DNAH2: variants seen among roughly 807,000 people sequenced by gnomAD.
DNAH2 encodes the protein axonemal beta dynein heavy chain 2.
Under a neutral mutation model 523.5 loss-of-function variants are expected in DNAH2, and 323 were observed. That is an observed-to-expected ratio of 0.62 (90% CI 0.56 to 0.68). The LOEUF (loss-of-function observed/expected upper bound fraction) is 0.68, where lower values mean the gene tolerates loss of function less well. Among genes scored for constraint, DNAH2 ranks in the 30% least tolerant of loss-of-function variants. The pLI is 0.00. For missense variants in DNAH2, 4,907 were observed against 5,701.5 expected, an observed-to-expected ratio of 0.86 and a Z score of 4.49; for synonymous variants, 2,093 against 2,177.4, an observed-to-expected ratio of 0.96 and a Z score of 1.08.
chr17:7,781,091 T>G lies in DNAH2; in HGVS notation c.6053T>G (p.Val2018Gly). The G allele has an allele frequency of 6.2e-7, 1 of 1,614,252 alleles. No homozygotes were observed. Among genetic ancestry groups the G allele is most frequent in the Non-Finnish European group, 8.5e-7 (1 of 1,180,044 alleles). The change falls in exon 39 of 86, where the codon GTT becomes GGT. Residue 2018 changes from valine (V) to glycine (G), a missense_variant. Coordinates refer to ENST00000572933, the MANE Select transcript of DNAH2 (RefSeq NM_020877.5). ...RDMNIAKLTSVDAPLFNAIVQ... is the reference protein window; with the variant it reads ...RDMNIAKLTSGDAPLFNAIVQ... The stretch of plus-strand genomic sequence containing the variant: ...ATGAACATCGCCAAGCTCACTTCAG[T>G]TGATGCACCCCTGTTCAATGCCATC...
chr17:7,796,579 A>G lies in DNAH2; in HGVS notation c.7790A>G (p.Asn2597Ser). The G allele has an allele frequency of 6.2e-7, 1 of 1,613,548 alleles. No individual in the cohort carries two copies. Among genetic ancestry groups the G allele is most frequent in the Non-Finnish European group, 8.5e-7 (1 of 1,179,960 alleles). ...VVTEATLDMY[N>S]TVVQRFLPTP... ...ACAGAGGCCACCCTGGACATGTACA[A>G]CACCGTGGTACAGCGCTTCCTGCCC... The change falls in exon 50 of 86, where the codon AAC (asparagine) becomes AGC (serine). Residue 2597 changes from asparagine to serine, a missense_variant. Asn to Ser is a conservative substitution (Grantham distance 46). This residue lies in a region of DNAH2 where 250 missense variants were observed against 371.3 expected (regional missense o/e 0.67). Transcript: ENST00000572933.
Position 7,807,667 on chromosome 17 carries a change from A to G in DNAH2, c.9729+81A>G. On this transcript the variant is annotated intron_variant, in intron 63 of 85. Coordinates refer to ENST00000572933, the MANE Select transcript of DNAH2 (RefSeq NM_020877.5). The surrounding 1 kb of genome is among the most constrained non-coding windows in gnomAD (Gnocchi z 5.6). ...CTTCATTAAGCATTTGTTTTCCCCC[A>G]TCTAATTCTAGCCCCCTTCCCCATG... 8.1e-7 allele frequency: 1 copy of G among 1,234,776 alleles called. No homozygotes were observed. Among genetic ancestry groups the G allele is most frequent in the Non-Finnish European group, 1.2e-6 (1 of 859,610 alleles). 76.5% of individuals were successfully genotyped at this position (1,234,776 alleles called of 1,614,324 possible). A position where few individuals can be genotyped will look rare whatever the true frequency, so the allele number is the denominator to read the frequency against.
At position 7,792,430 on chromosome 17, in the gene DNAH2, T is replaced by C; in HGVS notation, c.7145+87T>C. ...GAGAGATGGGGCCTAGAAGCAAAAA[T>C]GAGCAATAGGAAGGAGAAGGTGGGT... On this transcript the variant is annotated intron_variant, in intron 46 of 85. Coordinates refer to ENST00000572933, the MANE Select transcript of DNAH2 (RefSeq NM_020877.5). 17 of 1,377,810 alleles carry C rather than the reference T, an allele frequency of 1.2e-5. No homozygotes were observed. In the South Asian group the frequency reaches 2.0e-4, roughly 16 times the overall value. 85.3% of individuals were successfully genotyped at this position (1,377,810 alleles called of 1,614,324 possible).
At chr17:7,723,245 C>T (rs913974613) in intron 2 of DNAH2, among the ~76,000 whole-genome samples, 3 of 139,960 alleles carry the variant, frequency 2.1e-5, no homozygotes, top group African/African-American at 8.0e-5. Flanking sequence ...GCTGGGATTA[C>T]AGGTGTGAGC....
rs777854041 is a variant in DNAH2, at chr17:7,807,327, C to A, written c.9612+8C>A. The A allele has an allele frequency of 1.2e-6, 2 of 1,610,856 alleles. No individual in the cohort carries two copies. Among genetic ancestry groups the A allele is most frequent in the Non-Finnish European group, 8.5e-7 (1 of 1,178,916 alleles). On this transcript the variant is annotated splice_region_variant and intron_variant, in intron 62 of 85. Coordinates refer to ENST00000572933, the MANE Select transcript of DNAH2 (RefSeq NM_020877.5). This position sits in a 1 kb window ranked among gnomAD's most constrained non-coding sequence, Gnocchi z 5.6. Reference sequence around the variant, plus strand: ...TGGGTGCGGGCCATGGAGGTAAAGGCGTCAGGGCTGGGGCGGGGCGGTAGG... The same window carrying A: ...TGGGTGCGGGCCATGGAGGTAAAGGAGTCAGGGCTGGGGCGGGGCGGTAGG...
chr17:7,817,549 TTCTCTCCC>T lies in DNAH2; in HGVS notation c.10021-11_10021-4del. The T allele has an allele frequency of 6.2e-7, 1 of 1,613,948 alleles. No individual in the cohort carries two copies. The highest frequency in any genetic ancestry group is 8.5e-7 in the Non-Finnish European group (1 of 1,179,972). ...CTCTTCAAGTTAAAGCATGGGGCTT[TTCTCTCCC>T]CAGATCTGGGAGCTTCAGGTTCCTT... On this transcript the variant is annotated splice_polypyrimidine_tract_variant and splice_region_variant and intron_variant, in intron 65 of 85. Transcript: ENST00000572933.
At chr17:7,722,191 G>GC (rs976574723) in intron 2 of DNAH2, among the ~76,000 whole-genome samples, 1 of 99,666 alleles carries the variant, frequency 1.0e-5, no homozygotes, top group African/African-American at 6.3e-5. Context: ...TAGAGACGGG[G>GC]GGGGGGGTTC....
At position 7,798,803 on chromosome 17, in the gene DNAH2, C is replaced by T; in HGVS notation, c.8559+85C>T. 1.3e-6 allele frequency: 2 copies of T among 1,506,426 alleles called. No individual in the cohort carries two copies. The highest frequency in any genetic ancestry group is 1.2e-5 in the South Asian group (1 of 82,300). The allele number at this position is 1,506,426 out of a possible 1,614,324, so 93.3% of individuals were successfully genotyped here. ...AAGGACCACAGCTCCCAGAATGTGC[C>T]ACTGGCACACCCCCACTGCCACACC... On this transcript the variant is annotated intron_variant, in intron 55 of 85. Transcript: ENST00000572933. This position sits in a 1 kb window ranked among gnomAD's most constrained non-coding sequence, Gnocchi z 5.5.
intron 42 of DNAH2, 105 bp downstream of exon 42, chr17:7,787,138 G>T (rs965713110): frequency 2.6e-5 from 37 of 1,425,612 alleles, no homozygotes; most frequent in Non-Finnish European, 3.4e-5. Context: ...GGCAGGTTCT[G>T]TGGGAGAGAG....
Position 7,757,388 on chromosome 17 carries a change from G to A in DNAH2, c.2051+151G>A, listed in dbSNP as rs184994424. 8.8e-5 allele frequency: 95 copies of A among 1,083,634 alleles called. 1 individual carries two copies. In the African/African-American group the frequency reaches 1.2e-3, roughly 13 times the overall value. The allele number at this position is 1,083,634 out of a possible 1,614,324, so 67.1% of individuals were successfully genotyped here. A position where few individuals can be genotyped will look rare whatever the true frequency, so the allele number is the denominator to read the frequency against. ...AAAAAAAATTGTCTCCCACTCTTAC[G>A]GCCCTATCATTATTCCTACCCCTTG... On this transcript the variant is annotated intron_variant, in intron 13 of 85. Transcript: ENST00000572933.
chr17:7,772,335 C>A (rs1450772995), intron 28 of DNAH2, among the ~76,000 whole-genome samples: 1 of 152,126 alleles, frequency 6.6e-6, no homozygotes, highest in South Asian at 2.1e-4. Flanking sequence ...AAAAGATAAA[C>A]ATGAAAAGTT....
chr17:7,832,897 T>C lies in DNAH2; in HGVS notation c.12947T>C (p.Val4316Ala). Reference sequence around the variant, plus strand: ...TCCTGGGAGTTTATCGTTTCCACTGTGGATGACAGCAACCTAGTGTATCCC... The same window carrying C: ...TCCTGGGAGTTTATCGTTTCCACTGCGGATGACAGCAACCTAGTGTATCCC... ...SLSWEFIVST[V>A]DDSNLVYPPK... The change falls in exon 84 of 86, where the codon GTG becomes GCG. Residue 4316 changes from valine (V) to alanine (A), a missense_variant. By Grantham distance (64) the Val-to-Ala change is moderately conservative (BLOSUM62 0). Around this residue, in one of 3 missense-constraint regions of DNAH2, gnomAD observed 1,851 missense variants for 2,139.4 expected, o/e 0.87. Coordinates refer to ENST00000572933, the MANE Select transcript of DNAH2 (RefSeq NM_020877.5). The surrounding 1 kb of genome is among the most constrained non-coding windows in gnomAD (Gnocchi z 4.3). The C allele has an allele frequency of 6.2e-7, 1 of 1,614,212 alleles. No individual in the cohort carries two copies. Among genetic ancestry groups the C allele is most frequent in the South Asian group, 1.1e-5 (1 of 91,088 alleles).
chr17:7,783,736 T>G (rs2076663851), intron 39 of DNAH2, among the ~76,000 whole-genome samples: 2 of 150,772 alleles, frequency 1.3e-5, no homozygotes, highest in Non-Finnish European at 3.0e-5. Flanking sequence ...AGGTGGAGAT[T>G]GCAGTGGCTG....
chr17:7,752,506 C>G (rs1392392639), intron 12 of DNAH2, among the ~76,000 whole-genome samples: 1 of 152,048 alleles, frequency 6.6e-6, no homozygotes, highest in South Asian at 2.1e-4. Context: ...GTCAGGAGAT[C>G]GAGACCATCC....
chr17:7,773,615 G>A (rs1332597467), intron 28 of DNAH2, among the ~76,000 whole-genome samples: 1 of 152,098 alleles, frequency 6.6e-6, no homozygotes, highest in Non-Finnish European at 1.5e-5. Flanking sequence ...TCTTAACTAA[G>A]CACTTATTAC....
intron 24 of DNAH2, among the ~76,000 whole-genome samples, chr17:7,768,930 T>G (rs537197273): frequency 1.2e-4 from 18 of 152,352 alleles, no homozygotes; most frequent in African/African-American, 4.3e-4. Context: ...CACCACATTT[T>G]CATCCTCCAT....
At chr17:7,749,610 C>T (rs2151175108) in intron 12 of DNAH2, among the ~76,000 whole-genome samples, 1 of 152,206 alleles carries the variant, frequency 6.6e-6, no homozygotes, top group Middle Eastern at 3.4e-3. Context: ...TATTATGACT[C>T]TATTAGGATT....
intron 64 of DNAH2, 142 bp downstream of exon 64, chr17:7,816,877 T>C: frequency 1.0e-6 from 1 of 970,498 alleles, no homozygotes; most frequent in Non-Finnish European, 1.5e-6. Context: ...GTGGGAGCTC[T>C]TCCCCTCCCC....
intron 3 of DNAH2, among the ~76,000 whole-genome samples, chr17:7,726,324 G>C (rs1483942750): frequency 2.2e-5 from 3 of 138,722 alleles, no homozygotes; most frequent in African/African-American, 8.2e-5. Flanking sequence ...TTTTTTTTGA[G>C]ACAGATTCTC....
Sources: gnomAD v4.1 joint callset for allele counts (sites outside exome capture counted in the v4.1 genomes callset) on GRCh38, gnomAD v4.1.1 for gene constraint, gnomAD v4.1.1 regional missense constraint, Gnocchi (gnomAD v3.1) non-coding constraint, MANE v1.5 for transcripts, NCBI Gene and HGNC (gene_info 2026-07-23, HGNC 2026-07-21) for gene names.